GTF2IRD1: variants seen among roughly 807,000 people sequenced by gnomAD.
GTF2IRD1 encodes the protein GTF2I repeat domain containing 1, also known as general transcription factor II-I repeat domain-containing protein 1.
In GTF2IRD1, 26 loss-of-function variants were observed where a neutral mutation model predicts 113.2. That is an observed-to-expected ratio of 0.23 (90% CI 0.17 to 0.32). The LOEUF (loss-of-function observed/expected upper bound fraction) is 0.32, where lower values mean the gene tolerates loss of function less well. GTF2IRD1 is among the 10% of genes least tolerant of loss of function. The probability of loss-of-function intolerance (pLI) is 1.00; values close to 1 mark genes in which losing one functional copy is unlikely to be tolerated. For missense variants in GTF2IRD1, 864 were observed against 1,280.8 expected, an observed-to-expected ratio of 0.67 and a Z score of 4.97; for synonymous variants, 484 against 529.1, an observed-to-expected ratio of 0.91 and a Z score of 1.17.
At chr7:74,568,376 T>C (rs587610897) in intron 22 of GTF2IRD1, among the ~76,000 whole-genome samples, 45 of 133,024 alleles carry the variant, frequency 3.4e-4, no homozygotes, top group African/African-American at 9.1e-4. Flanking sequence ...GGGCCGGGCG[T>C]GGTGGCTCAC....
intron 1 of GTF2IRD1, among the ~76,000 whole-genome samples, chr7:74,486,999 T>C (rs181638055): frequency 2.0e-5 from 3 of 152,192 alleles, no homozygotes; most frequent in African/African-American, 7.2e-5. Flanking sequence ...TTCCCAAAAG[T>C]TGGACTCAGT....
chr7:74,492,321 C>A (rs1795406673), intron 1 of GTF2IRD1, among the ~76,000 whole-genome samples: 1 of 152,084 alleles, frequency 6.6e-6, no homozygotes, highest in African/African-American at 2.4e-5. Flanking sequence ...CAGGTGCCTG[C>A]CACCACGCCT....
At chr7:74,481,614 G>A (rs1253444581) in intron 1 of GTF2IRD1, among the ~76,000 whole-genome samples, 4 of 152,118 alleles carry the variant, frequency 2.6e-5, no homozygotes, top group Non-Finnish European at 4.4e-5. Context: ...TTTGCATCCC[G>A]GGCTGCACTG....
At position 74,485,372 on chromosome 7, in the gene GTF2IRD1, C is replaced by T. The variant is rs547267129; in HGVS notation, c.-6-22703C>T. 1.3e-3 allele frequency among the ~76,000 whole-genome samples: 198 copies of T among 152,296 alleles called. 1 individual carries two copies. Among genetic ancestry groups the T allele is most frequent in the African/African-American group, 4.6e-3 (191 of 41,564 alleles). ...GTGGCTCACGCCTGTAATCCCAGCA[C>T]TTTGAGAGGCCGAGGCGGGCGGATC... On this transcript the variant is annotated intron_variant, in intron 1 of 26. Transcript: ENST00000424337.
At chr7:74,513,888 C>T (rs1796773557) in intron 3 of GTF2IRD1, among the ~76,000 whole-genome samples, 1 of 152,138 alleles carries the variant, frequency 6.6e-6, no homozygotes, top group African/African-American at 2.4e-5. Flanking sequence ...TGGTGTACAC[C>T]TGTAGTCCCA....
intron 1 of GTF2IRD1, among the ~76,000 whole-genome samples, chr7:74,454,463 G>A (rs958955459): frequency 6.6e-6 from 1 of 152,036 alleles, no homozygotes; most frequent in Non-Finnish European, 1.5e-5. Context: ...TTCTGGAGGT[G>A]GGGGGCGTCC....
intron 1 of GTF2IRD1, among the ~76,000 whole-genome samples, chr7:74,477,159 T>A (rs1487439423): frequency 6.6e-6 from 1 of 151,198 alleles, no homozygotes; most frequent in Non-Finnish European, 1.5e-5. Context: ...AGGCCAGGAG[T>A]TTGAGACCAG....
At chr7:74,498,604 C>T (rs1554338646) in intron 1 of GTF2IRD1, among the ~76,000 whole-genome samples, 2 of 152,000 alleles carry the variant, frequency 1.3e-5, no homozygotes, top group African/African-American at 4.8e-5. Flanking sequence ...TTGTCAGGCC[C>T]CTCCTCCCCC....
At chr7:74,598,783 G>C (rs1236035297) in intron 25 of GTF2IRD1, among the ~76,000 whole-genome samples, 3 of 152,172 alleles carry the variant, frequency 2.0e-5, no homozygotes, top group Middle Eastern at 3.2e-3. Context: ...CCATGGACCA[G>C]TCTGAGACAG....
At chr7:74,569,817 G>A (rs1222503419) in intron 22 of GTF2IRD1, among the ~76,000 whole-genome samples, 11 of 152,130 alleles carry the variant, frequency 7.2e-5, no homozygotes, top group Non-Finnish European at 1.6e-4. Flanking sequence ...GGTGGTGCTC[G>A]TCTCTAAGGC....
At chr7:74,541,412 G>A (rs782409999) in intron 14 of GTF2IRD1, among the ~76,000 whole-genome samples, 1 of 152,212 alleles carries the variant, frequency 6.6e-6, no homozygotes, top group East Asian at 2.0e-4. Flanking sequence ...GATTGCCTCA[G>A]CCCAGGAGCT....
At chr7:74,477,199 A>G (rs1229576540) in intron 1 of GTF2IRD1, among the ~76,000 whole-genome samples, 2 of 152,100 alleles carry the variant, frequency 1.3e-5, no homozygotes, top group African/African-American at 4.8e-5. Context: ...CCCCATCTCT[A>G]CTAAAAATAC....
chr7:74,596,877 G>A (rs782819088), intron 25 of GTF2IRD1, among the ~76,000 whole-genome samples: 9 of 152,000 alleles, frequency 5.9e-5, no homozygotes, highest in Admixed American at 2.0e-4. Flanking sequence ...CATTCAGGGT[G>A]GTATGGCTGT....
intron 20 of GTF2IRD1, among the ~76,000 whole-genome samples, 176 bp from the exon 21 acceptor site, chr7:74,558,685 A>G (rs1799767768): frequency 6.6e-6 from 1 of 152,102 alleles, no homozygotes; most frequent in African/African-American, 2.4e-5. Flanking sequence ...GTTCTGATCA[A>G]ACAGCTCAGA....
intron 22 of GTF2IRD1, among the ~76,000 whole-genome samples, chr7:74,568,744 C>T (rs1235870566): frequency 6.6e-6 from 1 of 152,146 alleles, no homozygotes; most frequent in Non-Finnish European, 1.5e-5. Flanking sequence ...TGCTCCTTCT[C>T]TCAGGGAGGG....
At chr7:74,486,889 G>A (rs782639968) in intron 1 of GTF2IRD1, among the ~76,000 whole-genome samples, 9 of 152,152 alleles carry the variant, frequency 5.9e-5, no homozygotes, top group Non-Finnish European at 4.4e-5. Context: ...TGAGGGTGGC[G>A]TGGGGAAGAT....
chr7:74,583,999 C>A (rs1415902880), intron 22 of GTF2IRD1, among the ~76,000 whole-genome samples: 4 of 152,082 alleles, frequency 2.6e-5, no homozygotes, highest in Non-Finnish European at 4.4e-5. Context: ...CTGCTATAGA[C>A]CCCCGTGGGC....
At chr7:74,490,874 G>A (rs1554336542) in intron 1 of GTF2IRD1, among the ~76,000 whole-genome samples, 1 of 152,130 alleles carries the variant, frequency 6.6e-6, no homozygotes, top group African/African-American at 2.4e-5. Flanking sequence ...CTTTGCAGAG[G>A]TCTGAGCTGA....
intron 4 of GTF2IRD1, among the ~76,000 whole-genome samples, 196 bp from the exon 5 acceptor site, chr7:74,517,943 T>C (rs1415948210): frequency 6.6e-6 from 1 of 152,154 alleles, no homozygotes; most frequent in African/African-American, 2.4e-5. Flanking sequence ...ATGCAGACAA[T>C]TGGGCCTTGT....
Sources: allele counts gnomAD v4.1 joint callset (sites outside exome capture counted in the v4.1 genomes callset), GRCh38; gene constraint gnomAD v4.1.1; transcripts MANE v1.5; gene names NCBI Gene and HGNC (gene_info 2026-07-23, HGNC 2026-07-21).